The following GPC6 variants were observed in gnomAD, a reference collection of about 807,000 sequenced individuals.
GPC6 encodes glypican-6.
GPC6 carries 14 observed loss-of-function variants against 55.2 expected under a neutral mutation model. That is an observed-to-expected ratio of 0.25 (90% confidence interval 0.17 to 0.40). The LOEUF is 0.40. Ranked by LOEUF, GPC6 falls within the 10% of genes least tolerant of loss-of-function variation. The probability of loss-of-function intolerance (pLI) is 1.00; values close to 1 mark genes in which losing one functional copy is unlikely to be tolerated. For synonymous variants in GPC6, 278 were observed against 259.6 expected, an observed-to-expected ratio of 1.07 and a Z score of -0.68; for missense variants, 641 against 708.5, an observed-to-expected ratio of 0.90 and a Z score of 1.08.
chr13:93,735,113 T>C (rs1883950901), intron 2 of GPC6, among the ~76,000 whole-genome samples: 1 of 152,174 alleles, frequency 6.6e-6, no homozygotes, highest in Admixed American at 6.5e-5. Context: ...TCAATAAAGA[T>C]AATTACTGTT....
chr13:93,500,987 G>C (rs539312872), intron 1 of GPC6, among the ~76,000 whole-genome samples: 1 of 152,204 alleles, frequency 6.6e-6, no homozygotes, highest in East Asian at 1.9e-4. Flanking sequence ...AGAACTTTTT[G>C]TTACTTTATG....
At chr13:93,938,665 T>C (rs918651042) in intron 3 of GPC6, among the ~76,000 whole-genome samples, 4 of 152,178 alleles carry the variant, frequency 2.6e-5, no homozygotes, top group Admixed American at 2.6e-4. Context: ...TTTTGGAGGT[T>C]ATAAAGGTGA....
chr13:94,030,726 C>G (rs1422513811), intron 4 of GPC6, among the ~76,000 whole-genome samples: 1 of 152,120 alleles, frequency 6.6e-6, no homozygotes, highest in East Asian at 1.9e-4. Flanking sequence ...GCTAGCTACA[C>G]AAATGTCCCA....
At chr13:93,828,163 A>T (rs1259986179) in intron 2 of GPC6, among the ~76,000 whole-genome samples, 1 of 152,188 alleles carries the variant, frequency 6.6e-6, no homozygotes, top group Non-Finnish European at 1.5e-5. Context: ...AAGATAAATG[A>T]ATAGGCTGCA....
At chr13:94,218,732 C>T (rs576597014) in intron 4 of GPC6, among the ~76,000 whole-genome samples, 16 of 152,188 alleles carry the variant, frequency 1.1e-4, no homozygotes, top group African/African-American at 3.1e-4. Context: ...CCTGAGAGAC[C>T]TTTGATTCCC....
intron 1 of GPC6, among the ~76,000 whole-genome samples, chr13:93,500,057 C>T (rs1052238923): frequency 6.6e-6 from 1 of 152,150 alleles, no homozygotes; most frequent in East Asian, 1.9e-4. Flanking sequence ...GCACTTCCTG[C>T]TTGTCATTCC....
intron 1 of GPC6, among the ~76,000 whole-genome samples, chr13:93,303,116 T>C (rs1279627210): frequency 6.6e-6 from 1 of 152,200 alleles, no homozygotes; most frequent in Admixed American, 6.5e-5. Context: ...GACTTCCACA[T>C]TCTGTCTATA....
chr13:93,895,045 CCAA>C (rs1225111124), intron 3 of GPC6, among the ~76,000 whole-genome samples: 3 of 150,498 alleles, frequency 2.0e-5, no homozygotes, highest in Non-Finnish European at 4.4e-5. Context: ...TCCTCCCACA[CCAA>C]CGTCTTACAG....
At position 94,023,252 on chromosome 13, in the gene GPC6, T is replaced by G. The variant is rs548927507; in HGVS notation, c.712-4477T>G. On this transcript the variant is annotated intron_variant, in intron 3 of 8. Coordinates refer to ENST00000377047, the MANE Select transcript of GPC6 (RefSeq NM_005708.5). ...AATTTTAAGTATGAGTTTTTAGAAC[T>G]CTTTTCTTTATTTTGGTTTTGCTAA... Among the ~76,000 whole-genome samples the G allele has an allele frequency of 3.3e-5, 5 of 152,136 alleles. No homozygotes were observed. The East Asian group carries it at 9.7e-4, about 29-fold the overall frequency.
At chr13:93,978,474 C>A (rs1253280050) in intron 3 of GPC6, among the ~76,000 whole-genome samples, 8 of 152,096 alleles carry the variant, frequency 5.3e-5, no homozygotes, top group African/African-American at 1.9e-4. Flanking sequence ...ACACAGTCTC[C>A]AAATATAACC....
In GPC6 at chr13:94,040,656, C is replaced by T. The variant is rs80059724; in HGVS notation, c.877+12762C>T. On this transcript the variant is annotated intron_variant, in intron 4 of 8. Coordinates refer to ENST00000377047, the MANE Select transcript of GPC6 (RefSeq NM_005708.5). The stretch of plus-strand genomic sequence containing the variant: ...TGAGAGGAAAGGTCAAGCCTGAGAA[C>T]GATGATTTCAGGTTGCAGCATGTGG... Among the ~76,000 whole-genome samples the T allele has an allele frequency of 6.3e-3, 964 of 151,928 alleles. 9 individuals carry two copies. The highest frequency in any genetic ancestry group is 0.022 in the African/African-American group (895 of 41,500).
chr13:94,099,558 T>C (rs1277523239), intron 4 of GPC6, among the ~76,000 whole-genome samples: 3 of 152,192 alleles, frequency 2.0e-5, no homozygotes, highest in Non-Finnish European at 2.9e-5. Flanking sequence ...TCTTCTCATC[T>C]ACTGCTGCGC....
At chr13:94,153,903 C>T (rs950475208) in intron 4 of GPC6, among the ~76,000 whole-genome samples, 2 of 152,080 alleles carry the variant, frequency 1.3e-5, no homozygotes, top group Admixed American at 6.6e-5. Context: ...TTGGATACAA[C>T]ACAACTCAGA....
At chr13:93,693,461 CTGTGTGTGTGTGTGTGTG>C (rs35459356) in intron 2 of GPC6, among the ~76,000 whole-genome samples, 1 of 139,342 alleles carries the variant, frequency 7.2e-6, no homozygotes, top group Non-Finnish European at 1.5e-5. Flanking sequence ...GTATGTATAT[CTGTGTGTGTGTGTGTGTG>C]TGTGTGTGTG....
At position 94,380,145 on chromosome 13, in the gene GPC6, G is replaced by A. The variant is rs1472454836; in HGVS notation, c.1153-2269G>A. Among the ~76,000 whole-genome samples, 4 of 152,140 alleles carry A rather than the reference G, an allele frequency of 2.6e-5. No homozygotes were observed. In the East Asian group the frequency reaches 5.8e-4, roughly 22 times the overall value. ...TGTATCTGGTTTAGATTCCCATAAC[G>A]TGGAGGTAGGATTGTAGTACAAAAT... On this transcript the variant is annotated intron_variant, in intron 6 of 8. Coordinates refer to ENST00000377047, the MANE Select transcript of GPC6 (RefSeq NM_005708.5).
intron 2 of GPC6, among the ~76,000 whole-genome samples, chr13:93,662,949 A>AT (rs1194093877): frequency 6.6e-6 from 1 of 152,134 alleles, no homozygotes; most frequent in Admixed American, 6.6e-5. Context: ...GCATATCATT[A>AT]TTTTTATTGC....
chr13:93,579,857 G>C (rs1876852899), intron 2 of GPC6, among the ~76,000 whole-genome samples: 2 of 152,078 alleles, frequency 1.3e-5, no homozygotes, highest in Admixed American at 1.3e-4. Context: ...ACTGTGTGTG[G>C]CTCCCTCCTT....
intron 1 of GPC6, among the ~76,000 whole-genome samples, chr13:93,438,280 C>T (rs939017880): frequency 6.6e-5 from 10 of 152,126 alleles, no homozygotes; most frequent in African/African-American, 2.4e-4. Context: ...TTTCGACTTT[C>T]AAATCTTATT....
intron 1 of GPC6, among the ~76,000 whole-genome samples, chr13:93,410,642 A>G (rs2139244176): frequency 6.6e-6 from 1 of 152,304 alleles, no homozygotes; most frequent in South Asian, 2.1e-4. Flanking sequence ...CTACTATATA[A>G]TAAATGGGCC....
Sources: allele counts gnomAD v4.1 joint callset (sites outside exome capture counted in the v4.1 genomes callset), GRCh38; gene constraint gnomAD v4.1.1; transcripts MANE v1.5; gene names NCBI Gene and HGNC (gene_info 2026-07-23, HGNC 2026-07-21).